FAN1: variants seen among roughly 807,000 people sequenced by gnomAD.
The protein encoded by FAN1 is FANCD2 and FANCI associated nuclease 1.
FAN1 carries 91 observed loss-of-function variants against 104.9 expected under a neutral mutation model. That is an observed-to-expected ratio of 0.87 (90% CI 0.73 to 1.03). FAN1 has a LOEUF of 1.03. Among genes scored for constraint, FAN1 ranks in the 50% least tolerant of loss-of-function variants. The pLI is 0.00. For missense variants in FAN1, 1,263 were observed against 1,239.9 expected (o/e 1.02, Z -0.28); for synonymous variants, 478 against 457.6 (o/e 1.04, Z -0.57).
intron 6 of FAN1, among the ~76,000 whole-genome samples, chr15:30,919,637 T>G (rs2062274980): frequency 6.9e-6 from 1 of 145,314 alleles, no homozygotes; most frequent in South Asian, 2.1e-4. Context: ...TGTAATGAGC[T>G]GAGATCGCAC....
intron 14 of FAN1, chr15:30,940,977 C>T (rs890757898): frequency 3.6e-6 from 4 of 1,119,338 alleles, no homozygotes; most frequent in Non-Finnish European, 3.3e-6. Flanking sequence ...AATTCTGGCC[C>T]CAGAACACTG....
intron 14 of FAN1, 111 bp downstream of exon 14, chr15:30,937,370 T>G: frequency 9.7e-7 from 1 of 1,034,730 alleles, no homozygotes; most frequent in Non-Finnish European, 1.4e-6. Flanking sequence ...GTTTGACTTG[T>G]CATTTTACAG....
chr15:30,936,599 C>A (rs1416291061), intron 13 of FAN1, among the ~76,000 whole-genome samples: 2 of 152,210 alleles, frequency 1.3e-5, no homozygotes, highest in Non-Finnish European at 2.9e-5. Context: ...CATACAGACG[C>A]TTCTCAACTT....
rs1356651882 is a variant in FAN1 at position 30,942,541 on chromosome 15, C to T, written c.*979C>T. ...AGGCAAACAATGAATGTTATTAGGA[C>T]AAGAATATAGCAGTCAGGAGGCCAT... is the stretch of plus-strand genomic sequence containing the variant. On this transcript the variant is annotated 3_prime_UTR_variant, in exon 15 of 15. Coordinates refer to ENST00000362065, the MANE Select transcript of FAN1 (RefSeq NM_014967.5). 6 of 312,538 alleles carry T rather than the reference C, an allele frequency of 1.9e-5. No homozygotes were observed. Among genetic ancestry groups the T allele is most frequent in the Non-Finnish European group, 3.5e-5 (6 of 171,742 alleles). The allele number at this position is 312,538 out of a possible 1,614,324, so 19.4% of individuals were successfully genotyped here.
chr15:30,927,040 G>C, intron 10 of FAN1: 1 of 984,432 alleles, frequency 1.0e-6, no homozygotes. Flanking sequence ...AACCAGGCAC[G>C]GTAGCTTACA....
intron 11 of FAN1, 91 bp downstream of exon 11, chr15:30,928,747 A>G: frequency 1.9e-6 from 3 of 1,589,356 alleles, no homozygotes; most frequent in Non-Finnish European, 1.7e-6. Context: ...CAGCCAGCAG[A>G]AACCATCTCT....
intron 2 of FAN1, chr15:30,906,241 T>G: frequency 2.3e-6 from 1 of 437,162 alleles, no homozygotes; most frequent in Non-Finnish European, 4.4e-6. Flanking sequence ...ACTTTGCATT[T>G]TGAGCGTGTA....
Position 30,928,568 on chromosome 15 carries a change from G to A in FAN1, c.2504G>A (p.Gly835Glu). 2 of 1,609,080 alleles carry A rather than the reference G, an allele frequency of 1.2e-6. No individual in the cohort carries two copies. The highest frequency in any genetic ancestry group is 1.4e-5 in the African/African-American group (1 of 73,884). Residue 835 changes from glycine (G) to glutamate (E), a missense_variant, in exon 11 of 15, where the codon GGG becomes GAG. Physicochemically the swap from Gly to Glu is moderately conservative, Grantham distance 98. Transcript: ENST00000362065. ...CTTGTCTTAGGGATTCATGGCGAAG[G>A]GTCCACCTTCAGCACCCTGTATGGC... ...SGFDQGIHGE[G>E]STFSTLYGLL...
chr15:30,938,801 AAGT>A, intron 14 of FAN1: 2 of 578,476 alleles, frequency 3.5e-6, no homozygotes, highest in Non-Finnish European at 4.4e-6. Flanking sequence ...CTGTTAAAAA[AAGT>A]TACTGATCAC....
chr15:30,934,892 T>C (rs2062810106), intron 13 of FAN1, among the ~76,000 whole-genome samples: 3 of 152,384 alleles, frequency 2.0e-5, no homozygotes, highest in Middle Eastern at 3.4e-3. Flanking sequence ...CTACGTGTTA[T>C]ATGTTCTATA....
rs779723852 is a variant in FAN1 at position 30,905,726 on chromosome 15, A to G, written c.1063A>G (p.Ile355Val). 6.2e-7 allele frequency: 1 copy of G among 1,614,218 alleles called. No individual in the cohort carries two copies. Among genetic ancestry groups the G allele is most frequent in the Non-Finnish European group, 8.5e-7 (1 of 1,180,032 alleles). Residue 355 changes from isoleucine to valine, a missense_variant, in exon 2 of 15, where the codon ATT becomes GTT. Ile to Val is a conservative substitution (Grantham distance 29). Transcript: ENST00000362065. ...CTTAAACAATGATATCCCTCACAGC[A>G]TTCCTTTGGAGCAGGGGTCAAGCTG... ...SCLNNDIPHS[I>V]PLEQGSSCNG...
Position 30,941,939 on chromosome 15 carries a change from CT to C in FAN1, c.*378del, listed in dbSNP as rs1307614512. ...ATACTGCTCCGTATCACTGTTCTGG[CT>C]GTCGGTTTGCTGAGCTGGATCTGGC... On this transcript the variant is annotated 3_prime_UTR_variant, in exon 15 of 15. Transcript: ENST00000362065. 2 of 1,614,018 alleles carry C rather than the reference CT, an allele frequency of 1.2e-6. No homozygotes were observed. Among genetic ancestry groups the C allele is most frequent in the Non-Finnish European group, 1.7e-6 (2 of 1,179,894 alleles).
At position 30,942,824 on chromosome 15, in the gene FAN1, C is replaced by G; in HGVS notation, c.*1262C>G. 1.4e-6 allele frequency: 2 copies of G among 1,445,990 alleles called. No homozygotes were observed. Among genetic ancestry groups the G allele is most frequent in the African/African-American group, 2.8e-5 (2 of 70,288 alleles). 89.6% of individuals were successfully genotyped at this position (1,445,990 alleles called of 1,614,324 possible). Reference sequence around the variant, plus strand: ...GAAGTGCCTTTACTTTTAACGCTCTCTGTTCTGAAAAAGAGGTGTTTGGTT... The same window carrying G: ...GAAGTGCCTTTACTTTTAACGCTCTGTGTTCTGAAAAAGAGGTGTTTGGTT... On this transcript the variant is annotated 3_prime_UTR_variant, in exon 15 of 15. Transcript: ENST00000362065.
Position 30,942,841 on chromosome 15 carries a change from T to G in FAN1, c.*1279T>G, listed in dbSNP as rs1202307280. ...AACGCTCTCTGTTCTGAAAAAGAGG[T>G]GTTTGGTTACGTGTGAGCCAACATC... On this transcript the variant is annotated 3_prime_UTR_variant, in exon 15 of 15. Transcript: ENST00000362065. The G allele has an allele frequency of 2.0e-6, 3 of 1,482,300 alleles. No individual in the cohort carries two copies. The highest frequency in any genetic ancestry group is 2.7e-6 in the Non-Finnish European group (3 of 1,099,880). The allele number at this position is 1,482,300 out of a possible 1,614,324, so 91.8% of individuals were successfully genotyped here.
At chr15:30,932,561 A>C (rs1032036240) in intron 13 of FAN1, among the ~76,000 whole-genome samples, 4 of 152,064 alleles carry the variant, frequency 2.6e-5, no homozygotes, top group African/African-American at 9.7e-5. Context: ...GGGGGAGGAA[A>C]ATTTAAAGCT....
chr15:30,910,691 C>T lies in FAN1; in HGVS notation c.1453C>T (p.His485Tyr). 4 of 1,613,962 alleles carry T rather than the reference C, an allele frequency of 2.5e-6. No individual in the cohort carries two copies. Residue 485 changes from histidine (H) to tyrosine (Y), a missense_variant, in exon 4 of 15, where the codon CAC becomes TAC. Transcript: ENST00000362065. ...PELKSLAKTF[H>Y]LVNPNGQKQQ... is the part of the protein sequence containing the mutation. Reference sequence around the variant, plus strand: ...ACTAAAATCCCTAGCCAAGACCTTCCACTTGGTGAATCCCAATGGACAGAA... The same window carrying T: ...ACTAAAATCCCTAGCCAAGACCTTCTACTTGGTGAATCCCAATGGACAGAA...
intron 10 of FAN1, 37 bp downstream of exon 10, chr15:30,925,976 C>G (rs750900953): frequency 6.2e-7 from 1 of 1,608,598 alleles, no homozygotes; most frequent in Non-Finnish European, 8.5e-7. Context: ...CACCCAGCCC[C>G]GGGTGGACGA....
Position 30,929,226 on chromosome 15 carries a change from A to C in FAN1, c.2616A>C (p.Thr872=). ...ACQAFPLDLC[T]DSFFTSRRPA... ...AGGCATTCCCCCTGGACTTGTGCAC[A>C]GACAGCTTCTTCACAAGCAGACGCC... The change falls in exon 12 of 15, where the codon ACA becomes ACC. Residue 872 remains threonine (T), a synonymous_variant. Transcript: ENST00000362065. 1 of 1,612,626 alleles carries C rather than the reference A, an allele frequency of 6.2e-7. No homozygotes were observed. Among genetic ancestry groups the C allele is most frequent in the African/African-American group, 1.3e-5 (1 of 74,934 alleles).
At chr15:30,920,674 C>T in intron 7 of FAN1, 21 bp downstream of exon 7, 1 of 1,397,858 alleles carries the variant, frequency 7.2e-7, no homozygotes, top group Non-Finnish European at 1.0e-6. Flanking sequence ...AGGTCCCTGC[C>T]CCCCACCATT....
Sources: allele counts gnomAD v4.1 joint callset (sites outside exome capture counted in the v4.1 genomes callset), GRCh38; gene constraint gnomAD v4.1.1; transcripts MANE v1.5; gene names NCBI Gene and HGNC (gene_info 2026-07-23, HGNC 2026-07-21).